KCNH1: variants seen among roughly 807,000 people sequenced by gnomAD.
KCNH1 encodes the protein voltage-gated delayed rectifier potassium channel KCNH1.
Under a neutral mutation model 69.2 loss-of-function variants are expected in KCNH1, and 27 were observed. That is an observed-to-expected ratio of 0.39 (90% CI 0.29 to 0.54). The LOEUF (loss-of-function observed/expected upper bound fraction) is 0.54, where lower values mean the gene tolerates loss of function less well. Among genes scored for constraint, KCNH1 ranks in the 20% least tolerant of loss-of-function variants. KCNH1 has a pLI of 0.68. For missense variants in KCNH1, 798 were observed against 1,261.6 expected, an observed-to-expected ratio of 0.63 and a Z score of 5.57; for synonymous variants, 456 against 487.7, an observed-to-expected ratio of 0.93 and a Z score of 0.86.
chr1:210,698,564 C>T (rs533108085), intron 10 of KCNH1, among the ~76,000 whole-genome samples: 1 of 152,192 alleles, frequency 6.6e-6, no homozygotes, highest in African/African-American at 2.4e-5. Context: ...GGGCATAGAG[C>T]CATCAAAATG....
At chr1:211,112,397 C>T (rs1226460587) in intron 1 of KCNH1, among the ~76,000 whole-genome samples, 21 of 151,596 alleles carry the variant, frequency 1.4e-4, no homozygotes, top group Admixed American at 9.9e-4. Context: ...TCTGCCCCGC[C>T]GCTGTGCAAC....
chr1:210,690,239 CT>C (rs201555452), intron 10 of KCNH1, among the ~76,000 whole-genome samples: 1 of 151,356 alleles, frequency 6.6e-6, no homozygotes, highest in East Asian at 1.9e-4. Context: ...ACAAAGCCGT[CT>C]AGAGTTGGGG....
At chr1:211,126,676 C>A in intron 1 of KCNH1, among the ~76,000 whole-genome samples, 1 of 129,808 alleles carries the variant, frequency 7.7e-6, no homozygotes, top group Admixed American at 8.1e-5. Flanking sequence ...GAGTGAGATC[C>A]TATAATATCT....
Position 210,801,939 on chromosome 1 carries a change from T to C in KCNH1, c.1662+2028A>G, listed in dbSNP as rs373718369. Among the ~76,000 whole-genome samples, 35 of 152,290 alleles carry C rather than the reference T, an allele frequency of 2.3e-4. No homozygotes were observed. In the East Asian group the frequency reaches 2.3e-3, roughly 10 times the overall value. ...TGTTTTAAATTTTTTTAAGTAATAG[T>C]AGGAAAAGCACAGGCTTTGAAGTCA... is the stretch of plus-strand genomic sequence containing the variant. On this transcript the variant is annotated intron_variant, in intron 8 of 10. Transcript: ENST00000271751.
intron 10 of KCNH1, among the ~76,000 whole-genome samples, chr1:210,771,809 A>G (rs956952012): frequency 3.9e-5 from 6 of 152,248 alleles, no homozygotes; most frequent in Admixed American, 1.3e-4. Flanking sequence ...AATAAGTGGC[A>G]GAAGCAGGAC....
intron 7 of KCNH1, among the ~76,000 whole-genome samples, chr1:210,881,334 T>C (rs536423590): frequency 2.6e-4 from 39 of 152,268 alleles, no homozygotes; most frequent in African/African-American, 9.4e-4. Context: ...TACACACATA[T>C]TAGAATGGCC....
At chr1:211,127,199 C>T (rs368264414) in intron 1 of KCNH1, among the ~76,000 whole-genome samples, 8 of 152,236 alleles carry the variant, frequency 5.3e-5, no homozygotes, top group African/African-American at 1.7e-4. Flanking sequence ...AAAACTGAAC[C>T]GTAAGCTAGC....
intron 6 of KCNH1, among the ~76,000 whole-genome samples, chr1:210,997,185 A>C (rs1456626757): frequency 6.6e-6 from 1 of 152,242 alleles, no homozygotes; most frequent in Non-Finnish European, 1.5e-5. Context: ...TAGCTGACAG[A>C]AGAAGGCTTC....
chr1:210,774,442 G>C (rs78999695), intron 10 of KCNH1, among the ~76,000 whole-genome samples: 3,102 of 152,222 alleles, frequency 0.02, 112 homozygotes, highest in African/African-American at 0.07. Context: ...CTCAGAGAGG[G>C]GGAAGCAGCA....
chr1:211,094,856 T>C (rs1259488897), intron 3 of KCNH1, among the ~76,000 whole-genome samples: 1 of 152,246 alleles, frequency 6.6e-6, no homozygotes, highest in East Asian at 1.9e-4. Flanking sequence ...CAGACCAGTA[T>C]TTCAACCTTT....
intron 6 of KCNH1, among the ~76,000 whole-genome samples, chr1:210,948,203 T>TA (rs879884169): frequency 0.016 from 2,172 of 138,460 alleles, 40 homozygotes; most frequent in African/African-American, 0.048. Context: ...CCTGTCTCTT[T>TA]AAAAAAAAAA....
intron 6 of KCNH1, among the ~76,000 whole-genome samples, chr1:210,982,408 A>G (rs1344737865): frequency 6.6e-6 from 1 of 151,912 alleles, no homozygotes; most frequent in African/African-American, 2.4e-5. Flanking sequence ...CTCCAATGCT[A>G]TCCCTCCCCC....
At chr1:210,774,370 A>G (rs1683819089) in intron 10 of KCNH1, among the ~76,000 whole-genome samples, 1 of 152,128 alleles carries the variant, frequency 6.6e-6, no homozygotes, top group Non-Finnish European at 1.5e-5. Context: ...ATGAAGGCAA[A>G]GTACTGACTT....
At chr1:210,893,297 A>C (rs1199602454) in intron 7 of KCNH1, among the ~76,000 whole-genome samples, 1 of 152,114 alleles carries the variant, frequency 6.6e-6, no homozygotes, top group African/African-American at 2.4e-5. Flanking sequence ...CTAGGTTGAT[A>C]GTTTTCTTTT....
intron 10 of KCNH1, among the ~76,000 whole-genome samples, chr1:210,711,539 A>T (rs1056568703): frequency 2.6e-5 from 4 of 152,150 alleles, no homozygotes; most frequent in Non-Finnish European, 5.9e-5. Context: ...CTTTGACCTG[A>T]GTTGCCTTTC....
At chr1:210,874,596 C>T (rs981599658) in intron 7 of KCNH1, among the ~76,000 whole-genome samples, 7 of 152,084 alleles carry the variant, frequency 4.6e-5, no homozygotes, top group Non-Finnish European at 7.4e-5. Context: ...ACAAAGAATT[C>T]GATAAGTAAA....
At chr1:210,798,735 TTGAC>T (rs1206012481) in intron 8 of KCNH1, among the ~76,000 whole-genome samples, 1 of 152,160 alleles carries the variant, frequency 6.6e-6, no homozygotes, top group Non-Finnish European at 1.5e-5. Context: ...GAGGGAAACT[TTGAC>T]TGGGATGCTG....
At chr1:210,853,916 A>G (rs1407950564) in intron 7 of KCNH1, among the ~76,000 whole-genome samples, 2 of 141,092 alleles carry the variant, frequency 1.4e-5, no homozygotes, top group African/African-American at 5.1e-5. Context: ...ACATTTTAAT[A>G]TGCCTAGCAG....
intron 5 of KCNH1, among the ~76,000 whole-genome samples, chr1:211,057,701 AAGAG>A (rs139632604): frequency 4.0e-5 from 6 of 150,604 alleles, no homozygotes; most frequent in Non-Finnish European, 7.4e-5. Flanking sequence ...GAGAGAAAGA[AAGAG>A]AGAGAGAGAG....
Sources: allele counts gnomAD v4.1 joint callset (sites outside exome capture counted in the v4.1 genomes callset), GRCh38; gene constraint gnomAD v4.1.1; transcripts MANE v1.5; gene names NCBI Gene and HGNC (gene_info 2026-07-23, HGNC 2026-07-21).